ABHD17B: variants seen among roughly 807,000 people sequenced by gnomAD.
The protein encoded by ABHD17B is alpha/beta hydrolase domain-containing protein 17B.
ABHD17B carries 9 observed loss-of-function variants against 26.2 expected under a neutral mutation model. That is an observed-to-expected ratio of 0.34 (90% CI 0.21 to 0.60). The LOEUF is 0.60. Ranked by LOEUF, ABHD17B falls within the 20% of genes least tolerant of loss-of-function variation. The probability of loss-of-function intolerance (pLI) is 0.80; values close to 1 mark genes in which losing one functional copy is unlikely to be tolerated. For synonymous variants in ABHD17B, 127 were observed against 122.3 expected, an observed-to-expected ratio of 1.04 and a Z score of -0.25; for missense variants, 224 against 352.1, an observed-to-expected ratio of 0.64 and a Z score of 2.91.
At chr9:71,884,862 G>A (rs1826559126) in intron 1 of ABHD17B, among the ~76,000 whole-genome samples, 1 of 152,012 alleles carries the variant, frequency 6.6e-6, no homozygotes, top group Non-Finnish European at 1.5e-5. Context: ...TCAACTCTTT[G>A]CACCCAAGAA....
At chr9:71,872,217 A>G (rs960997882) in intron 2 of ABHD17B, among the ~76,000 whole-genome samples, 1 of 152,220 alleles carries the variant, frequency 6.6e-6, no homozygotes, top group Non-Finnish European at 1.5e-5. Flanking sequence ...TACACTTATG[A>G]AACTCCAACT....
At chr9:71,871,488 T>C (rs1049295982) in intron 2 of ABHD17B, among the ~76,000 whole-genome samples, 4 of 152,158 alleles carry the variant, frequency 2.6e-5, no homozygotes, top group African/African-American at 7.2e-5. Flanking sequence ...AATGAAGAAA[T>C]TAGGAGAATG....
At chr9:71,892,374 T>C (rs1826811185) in intron 1 of ABHD17B, among the ~76,000 whole-genome samples, 1 of 151,452 alleles carries the variant, frequency 6.6e-6, no homozygotes, top group South Asian at 2.1e-4. Flanking sequence ...CTACTAAAAA[T>C]ACAAAAAAAT....
intron 1 of ABHD17B, among the ~76,000 whole-genome samples, chr9:71,897,063 G>A (rs1415738409): frequency 6.6e-6 from 1 of 152,148 alleles, no homozygotes; most frequent in Non-Finnish European, 1.5e-5. Context: ...AAGAATTTTA[G>A]GTGCCAACTA....
At position 71,907,463 on chromosome 9, in the gene ABHD17B, A is replaced by C. The variant is rs563280405; in HGVS notation, c.-4+3171T>G. Among the ~76,000 whole-genome samples the C allele has an allele frequency of 2.6e-3, 398 of 152,252 alleles. 1 individual carries two copies. The highest frequency in any genetic ancestry group is 4.6e-3 in the Non-Finnish European group (316 of 68,022). On this transcript the variant is annotated intron_variant, in intron 1 of 3. Transcript: ENST00000333421. ...TCACTGGTTAGATATCGGGGGGAAA[A>C]GGGAACAGCATTTAAGAGAGGTATT...
At chr9:71,868,581 G>C (rs1028790481) in intron 3 of ABHD17B, among the ~76,000 whole-genome samples, 1 of 152,166 alleles carries the variant, frequency 6.6e-6, no homozygotes, top group Non-Finnish European at 1.5e-5. Flanking sequence ...GCTGCATTTG[G>C]TAAGAATAAA....
At chr9:71,871,629 G>T (rs1484985679) in intron 2 of ABHD17B, among the ~76,000 whole-genome samples, 1 of 152,150 alleles carries the variant, frequency 6.6e-6, no homozygotes, top group Non-Finnish European at 1.5e-5. Context: ...GAGTCGCAGA[G>T]GTAGCTGACA....
chr9:71,895,311 G>A (rs538651972), intron 1 of ABHD17B, among the ~76,000 whole-genome samples: 1 of 152,182 alleles, frequency 6.6e-6, no homozygotes, highest in African/African-American at 2.4e-5. Flanking sequence ...GGTAAAGCCA[G>A]GTTTCATATT....
chr9:71,881,117 CA>C (rs34536002), intron 1 of ABHD17B, among the ~76,000 whole-genome samples: 17,561 of 152,092 alleles, frequency 0.12, 1,161 homozygotes, highest in Middle Eastern at 0.15. Context: ...CAACAGTAAT[CA>C]AGACAGAATG....
chr9:71,874,730 C>A lies in ABHD17B; in HGVS notation c.351G>T (p.Arg117=), dbSNP rs186695046. ...CATATGAGAATATATTACAATTAAT[C>A]CGTGATCCTAGTCCTATGTAAAAGC... is the stretch of plus-strand genomic sequence containing the variant. ...MSSFYIGLGS[R]INCNIFSYDY... The change falls in exon 2 of 4, where the codon CGG becomes CGT. Residue 117 remains arginine (R), a synonymous_variant. Transcript: ENST00000333421. 1.4e-5 allele frequency: 22 copies of A among 1,614,132 alleles called. No homozygotes were observed. In the Middle Eastern group the frequency reaches 4.9e-4, roughly 36 times the overall value.
At chr9:71,878,932 G>C (rs1030690384) in intron 1 of ABHD17B, among the ~76,000 whole-genome samples, 5 of 152,220 alleles carry the variant, frequency 3.3e-5, no homozygotes, top group African/African-American at 9.6e-5. Context: ...GAGGTAGGAG[G>C]ATTGCTTGAG....
intron 1 of ABHD17B, among the ~76,000 whole-genome samples, chr9:71,899,797 T>C (rs1827079418): frequency 6.6e-6 from 1 of 152,050 alleles, no homozygotes; most frequent in Admixed American, 6.6e-5. Context: ...GGACATCATA[T>C]CCTATGTTAA....
chr9:71,894,087 CAAAAAAAAAAAAAAAAAAAA>C (rs1180729763), intron 1 of ABHD17B, among the ~76,000 whole-genome samples: 7 of 52,306 alleles, frequency 1.3e-4, no homozygotes, highest in African/African-American at 6.0e-4. Context: ...GACTCTATCT[CAAAAAAAAAAAAAAAAAAAA>C]AAAAAAAAAA....
intron 1 of ABHD17B, among the ~76,000 whole-genome samples, chr9:71,884,733 G>T (rs1479456288): frequency 6.6e-6 from 1 of 151,140 alleles, no homozygotes; most frequent in Non-Finnish European, 1.5e-5. Flanking sequence ...AATTCCAGAG[G>T]GTAACAATCA....
At chr9:71,891,175 T>C (rs762809379) in intron 1 of ABHD17B, among the ~76,000 whole-genome samples, 2 of 152,250 alleles carry the variant, frequency 1.3e-5, no homozygotes, top group Non-Finnish European at 2.9e-5. Context: ...GGTCCACATT[T>C]TCTAGTACCA....
At chr9:71,893,182 G>T (rs887753263) in intron 1 of ABHD17B, among the ~76,000 whole-genome samples, 22 of 152,182 alleles carry the variant, frequency 1.4e-4, no homozygotes, top group Non-Finnish European at 2.5e-4. Context: ...TCTGTGACCA[G>T]ATGTATGAGA....
chr9:71,865,366 AT>A lies in ABHD17B; in HGVS notation c.*1420del. The A allele has an allele frequency of 1.0e-6, 1 of 982,922 alleles. No homozygotes were observed. Among genetic ancestry groups the A allele is most frequent in the Non-Finnish European group, 1.2e-6 (1 of 827,380 alleles). The allele number at this position is 982,922 out of a possible 1,614,324, so 60.9% of individuals were successfully genotyped here. On this transcript the variant is annotated 3_prime_UTR_variant, in exon 4 of 4. Coordinates refer to ENST00000333421, the MANE Select transcript of ABHD17B (RefSeq NM_001025780.3). ...TTACAAATTAGACTACATACCATTA[AT>A]TTTATTTTTATTTTTCATTGTTTTA...
At chr9:71,904,690 T>C (rs1827233872) in intron 1 of ABHD17B, among the ~76,000 whole-genome samples, 1 of 152,078 alleles carries the variant, frequency 6.6e-6, no homozygotes, top group African/African-American at 2.4e-5. Flanking sequence ...AGAATCAGAG[T>C]ACACTAAAGT....
At chr9:71,891,351 T>C (rs1043031390) in intron 1 of ABHD17B, among the ~76,000 whole-genome samples, 9 of 152,220 alleles carry the variant, frequency 5.9e-5, no homozygotes, top group Non-Finnish European at 8.8e-5. Context: ...GTCCATTTGA[T>C]CTAAAGCCCC....
Sources: allele counts gnomAD v4.1 joint callset (sites outside exome capture counted in the v4.1 genomes callset), GRCh38; gene constraint gnomAD v4.1.1; transcripts MANE v1.5; gene names NCBI Gene and HGNC (gene_info 2026-07-23, HGNC 2026-07-21).